Variants in RBMS3 observed in about 807,000 individuals in gnomAD.
RBMS3 encodes the protein RNA-binding motif, single-stranded-interacting protein 3.
A neutral mutation model predicts 66.8 loss-of-function variants in RBMS3; 27 were observed. The ratio of observed to expected loss-of-function variants is 0.40; its 90% CI spans 0.30 to 0.56. RBMS3 has a LOEUF of 0.56. Ranked by LOEUF, RBMS3 falls within the 20% of genes least tolerant of loss-of-function variation. The probability of loss-of-function intolerance (pLI) is 0.40; values close to 1 mark genes in which losing one functional copy is unlikely to be tolerated. For missense variants in RBMS3, 513 were observed against 549.5 expected (o/e 0.93, Z 0.66); for synonymous variants, 188 against 183.0 (o/e 1.03, Z -0.22).
Position 29,594,668 on chromosome 3 carries a change from T to C in RBMS3, c.399+7463T>C, listed in dbSNP as rs143726562. 8.8e-3 allele frequency among the ~76,000 whole-genome samples: 1,334 copies of C among 152,328 alleles called. 21 individuals carry two copies. The highest frequency in any genetic ancestry group is 0.031 in the African/African-American group (1,275 of 41,576). ...AATACTTACTGGCTGGTCTTTTACA[T>C]GTCTATAAAATATTTGTGAATATCT... On this transcript the variant is annotated intron_variant, in intron 4 of 14. Transcript: ENST00000383767.
At chr3:29,737,011 C>T (rs1278304953) in intron 4 of RBMS3, among the ~76,000 whole-genome samples, 1 of 151,908 alleles carries the variant, frequency 6.6e-6, no homozygotes, top group African/African-American at 2.4e-5. Flanking sequence ...CGGACTCTCG[C>T]TGTCGCCCAG....
chr3:29,688,728 G>T (rs1442924156), intron 4 of RBMS3, among the ~76,000 whole-genome samples: 1 of 151,182 alleles, frequency 6.6e-6, no homozygotes, highest in African/African-American at 2.4e-5. Flanking sequence ...GACTACAAGC[G>T]GATGCCATCA....
chr3:29,872,922 GCT>G (rs1002267220), intron 7 of RBMS3, among the ~76,000 whole-genome samples: 2 of 152,020 alleles, frequency 1.3e-5, no homozygotes, highest in African/African-American at 4.8e-5. Flanking sequence ...TTGTTTCTGG[GCT>G]CTCTATTCTG....
chr3:29,845,282 C>T (rs1203713364), intron 6 of RBMS3, among the ~76,000 whole-genome samples: 3 of 152,218 alleles, frequency 2.0e-5, no homozygotes, highest in South Asian at 2.1e-4. Context: ...CTGCCACTAA[C>T]TCCATGACTT....
intron 9 of RBMS3, among the ~76,000 whole-genome samples, chr3:29,898,394 T>C (rs1303190691): frequency 2.6e-5 from 4 of 151,580 alleles, no homozygotes; most frequent in Non-Finnish European, 4.4e-5. Context: ...TGTTATATAA[T>C]GAGTAAAACT....
At chr3:29,466,735 T>G (rs1173311396) in intron 2 of RBMS3, among the ~76,000 whole-genome samples, 1 of 152,160 alleles carries the variant, frequency 6.6e-6, no homozygotes, top group African/African-American at 2.4e-5. Context: ...CACATAGAGC[T>G]CAACACAATA....
chr3:30,007,935 A>AT lies in RBMS3; in HGVS notation c.*4074dup, dbSNP rs1416795207. The AT allele has an allele frequency of 3.3e-5, 5 of 152,066 alleles. No individual in the cohort carries two copies. The highest frequency in any genetic ancestry group is 1.2e-4 in the African/African-American group (5 of 41,436). The allele number at this position is 152,066 out of a possible 1,614,324, so 9.4% of individuals were successfully genotyped here. Reference sequence around the variant, plus strand: ...GGTGTTAAAAGCACTCTCATTAGAAATATAAGGCTGAGAACTGAAGAAGGC... The same window carrying AT: ...GGTGTTAAAAGCACTCTCATTAGAAATTATAAGGCTGAGAACTGAAGAAGGC... On this transcript the variant is annotated 3_prime_UTR_variant, in exon 15 of 15. Coordinates refer to ENST00000383767, the MANE Select transcript of RBMS3 (RefSeq NM_001003793.3).
intron 2 of RBMS3, among the ~76,000 whole-genome samples, chr3:29,463,435 T>A (rs111285287): frequency 1.4e-3 from 218 of 152,288 alleles, no homozygotes; most frequent in Non-Finnish European, 2.3e-3. Context: ...TGTGTGGTTT[T>A]TGAATCATTC....
chr3:29,363,414 A>G (rs2125586091), intron 1 of RBMS3, among the ~76,000 whole-genome samples: 1 of 152,326 alleles, frequency 6.6e-6, no homozygotes, highest in Middle Eastern at 3.4e-3. Context: ...ATGAAACATC[A>G]AAATGTGAAA....
chr3:30,004,418 C>G lies in RBMS3; in HGVS notation c.*556C>G, dbSNP rs1008580237. On this transcript the variant is annotated 3_prime_UTR_variant, in exon 15 of 15. Transcript: ENST00000383767. Reference sequence around the variant, plus strand: ...TAATTTTAAGGACGTCAAAGGCTCTCGAGGCAAGCTGTCAACGTCTTGTTG... The same window carrying G: ...TAATTTTAAGGACGTCAAAGGCTCTGGAGGCAAGCTGTCAACGTCTTGTTG... 2 of 151,796 alleles carry G rather than the reference C, an allele frequency of 1.3e-5. No homozygotes were observed. The highest frequency in any genetic ancestry group is 2.1e-4 in the South Asian group (1 of 4,800). 9.4% of individuals were successfully genotyped at this position (151,796 alleles called of 1,614,324 possible). A position where few individuals can be genotyped will look rare whatever the true frequency, so the allele number is the denominator to read the frequency against.
chr3:29,847,760 A>C (rs1421964299), intron 6 of RBMS3, among the ~76,000 whole-genome samples: 1 of 151,668 alleles, frequency 6.6e-6, no homozygotes, highest in Non-Finnish European at 1.5e-5. Flanking sequence ...GGTTCACGCC[A>C]TTCTCCTGCC....
intron 12 of RBMS3, among the ~76,000 whole-genome samples, chr3:29,965,227 C>G (rs1256571554): frequency 6.6e-6 from 1 of 152,024 alleles, no homozygotes; most frequent in Non-Finnish European, 1.5e-5. Context: ...TTTTTTTCCT[C>G]TGGGTAGATA....
intron 10 of RBMS3, among the ~76,000 whole-genome samples, chr3:29,903,823 C>T (rs546106425): frequency 6.6e-6 from 1 of 151,890 alleles, no homozygotes; most frequent in Non-Finnish European, 1.5e-5. Context: ...TGAATCAATA[C>T]ATGATTTGTT....
chr3:29,762,931 T>C lies in RBMS3; in HGVS notation c.579T>C (p.Cys193=). 1.2e-6 allele frequency: 2 copies of C among 1,609,958 alleles called. No homozygotes were observed. Among genetic ancestry groups the C allele is most frequent in the Non-Finnish European group, 1.7e-6 (2 of 1,177,634 alleles). The change falls in exon 6 of 15, where the codon TGT becomes TGC. Residue 193 remains cysteine, a synonymous_variant. Transcript: ENST00000383767. Reference sequence around the variant, plus strand: ...CCAGAATGGAGTCTACTGAAAAATGTGAAGTGGTAATTCAACATTTTAATG... The same window carrying C: ...CCAGAATGGAGTCTACTGAAAAATGCGAAGTGGTAATTCAACATTTTAATG... ...GFARMESTEK[C]EVVIQHFNGK...
rs1005777271 is a variant in RBMS3 at position 29,685,263 on chromosome 3, A to T, written c.400-54457A>T. 3.8e-4 allele frequency among the ~76,000 whole-genome samples: 58 copies of T among 152,066 alleles called. 1 individual carries two copies. Among genetic ancestry groups the T allele is most frequent in the South Asian group, 1.0e-3 (5 of 4,804 alleles). Reference sequence around the variant, plus strand: ...TTTTTAGTAGAGATGGGGTTTCACCATGTTAGCCAGGATGGTCTCCATCTC... The same window carrying T: ...TTTTTAGTAGAGATGGGGTTTCACCTTGTTAGCCAGGATGGTCTCCATCTC... On this transcript the variant is annotated intron_variant, in intron 4 of 14. Transcript: ENST00000383767.
chr3:29,320,149 A>C (rs942792954), intron 1 of RBMS3, among the ~76,000 whole-genome samples: 1 of 152,064 alleles, frequency 6.6e-6, no homozygotes, highest in Non-Finnish European at 1.5e-5. Context: ...TGGGTTATTT[A>C]GATCACCTTT....
chr3:29,291,741 T>G (rs544979746), intron 1 of RBMS3, among the ~76,000 whole-genome samples: 1 of 151,890 alleles, frequency 6.6e-6, no homozygotes, highest in African/African-American at 2.4e-5. Flanking sequence ...TAACATCTCT[T>G]GGTGTCTAGA....
intron 1 of RBMS3, among the ~76,000 whole-genome samples, chr3:29,406,817 A>G (rs1395790775): frequency 1.3e-5 from 2 of 152,212 alleles, no homozygotes; most frequent in Non-Finnish European, 2.9e-5. Context: ...ATCCCAAAAT[A>G]TTATTTTACT....
intron 4 of RBMS3, among the ~76,000 whole-genome samples, chr3:29,608,243 A>T (rs1021802173): frequency 6.6e-6 from 1 of 151,944 alleles, no homozygotes; most frequent in Non-Finnish European, 1.5e-5. Context: ...AGATTGAGGT[A>T]TTTTTTTAAA....
Sources: allele counts gnomAD v4.1 joint callset (sites outside exome capture counted in the v4.1 genomes callset), GRCh38; gene constraint gnomAD v4.1.1; transcripts MANE v1.5; gene names NCBI Gene and HGNC (gene_info 2026-07-23, HGNC 2026-07-21).